The following NTRK2 variants were observed in gnomAD, a reference collection of about 807,000 sequenced individuals.
The protein encoded by NTRK2 is neurotrophic receptor tyrosine kinase 2.
Under a neutral mutation model 94.5 loss-of-function variants are expected in NTRK2, and 13 were observed. That is an observed-to-expected ratio of 0.14 (90% confidence interval 0.09 to 0.22). The LOEUF is 0.22. Ranked by LOEUF, NTRK2 falls within the 10% of genes least tolerant of loss-of-function variation. The pLI, the probability that NTRK2 is intolerant of heterozygous loss-of-function variation, is 1.00. For synonymous variants in NTRK2, 372 were observed against 407.4 expected (o/e 0.91, Z 1.05); for missense variants, 639 against 1,071.2 (o/e 0.60, Z 5.63).
intron 15 of NTRK2, among the ~76,000 whole-genome samples, chr9:84,939,051 CAAAAA>C (rs138558531): frequency 1.0e-4 from 7 of 68,438 alleles, no homozygotes; most frequent in East Asian, 4.6e-4. Context: ...GACCCCAACT[CAAAAA>C]AAAAAAAAAA....
At chr9:84,917,743 G>T (rs909567507) in intron 14 of NTRK2, among the ~76,000 whole-genome samples, 2 of 152,104 alleles carry the variant, frequency 1.3e-5, no homozygotes, top group African/African-American at 4.8e-5. Context: ...AAAAAGAAAG[G>T]GTTTTTCCTA....
At chr9:85,006,268 C>T (rs1830942451) in intron 17 of NTRK2, among the ~76,000 whole-genome samples, 1 of 152,206 alleles carries the variant, frequency 6.6e-6, no homozygotes, top group Non-Finnish European at 1.5e-5. Context: ...TGAGTTACTG[C>T]ACAGTACTCT....
At chr9:84,847,103 C>T in intron 12 of NTRK2, among the ~76,000 whole-genome samples, 1 of 152,200 alleles carries the variant, frequency 6.6e-6, no homozygotes, top group East Asian at 1.9e-4. Context: ...ATAGGCTGTC[C>T]TCCCATCTCC....
At chr9:84,987,130 G>A (rs191483820) in intron 17 of NTRK2, among the ~76,000 whole-genome samples, 81 of 152,288 alleles carry the variant, frequency 5.3e-4, no homozygotes, top group African/African-American at 1.9e-3. Flanking sequence ...ACATGTCAGG[G>A]TGAAAAGAAT....
chr9:84,818,814 G>A (rs1252424635), intron 12 of NTRK2, among the ~76,000 whole-genome samples: 3 of 152,162 alleles, frequency 2.0e-5, no homozygotes, highest in Non-Finnish European at 2.9e-5. Context: ...TGGAGGACAC[G>A]TCCTGCCATC....
intron 2 of NTRK2, among the ~76,000 whole-genome samples, chr9:84,674,557 T>G (rs1051989163): frequency 4.6e-5 from 7 of 152,178 alleles, no homozygotes; most frequent in Non-Finnish European, 1.0e-4. Flanking sequence ...AGCCCCTCCA[T>G]TGGGGGTTTT....
At chr9:84,868,356 G>A (rs1332362051) in intron 14 of NTRK2, among the ~76,000 whole-genome samples, 1 of 152,154 alleles carries the variant, frequency 6.6e-6, no homozygotes, top group Non-Finnish European at 1.5e-5. Context: ...CTGCCTCTCT[G>A]TTGAGAGCTT....
chr9:84,870,111 AT>A (rs2075775735), intron 14 of NTRK2, among the ~76,000 whole-genome samples: 1 of 132,448 alleles, frequency 7.6e-6, no homozygotes, highest in Non-Finnish European at 1.6e-5. Context: ...ATATATATAT[AT>A]ATATATATAT....
intron 12 of NTRK2, chr9:84,815,589 G>A (rs2072320169): frequency 9.9e-7 from 1 of 1,007,464 alleles, no homozygotes; most frequent in Non-Finnish European, 1.2e-6. Context: ...GTAAATAATG[G>A]ATAATCATTT....
At chr9:85,004,033 G>GA (rs1830634034) in intron 17 of NTRK2, among the ~76,000 whole-genome samples, 1 of 77,756 alleles carries the variant, frequency 1.3e-5, no homozygotes, top group Non-Finnish European at 2.6e-5. Context: ...AAGAAAGAAA[G>GA]AGAGAAAGAA....
intron 12 of NTRK2, among the ~76,000 whole-genome samples, chr9:84,789,935 C>A (rs888185603): frequency 6.6e-6 from 1 of 152,286 alleles, no homozygotes; most frequent in Middle Eastern, 3.4e-3. Context: ...TCCTCCTGGG[C>A]AATACATTTG....
intron 14 of NTRK2, among the ~76,000 whole-genome samples, chr9:84,894,023 C>T (rs1252910332): frequency 6.6e-6 from 1 of 151,976 alleles, no homozygotes; most frequent in African/African-American, 2.4e-5. Context: ...CTGTTCAATC[C>T]GGGGGGCGCG....
chr9:84,945,761 A>G (rs549861403), intron 15 of NTRK2, among the ~76,000 whole-genome samples: 22 of 152,320 alleles, frequency 1.4e-4, no homozygotes, highest in Admixed American at 3.9e-4. Flanking sequence ...TGCGGTTTCT[A>G]TGGCAACAGC....
chr9:84,994,210 A>G (rs1829448702), intron 17 of NTRK2, among the ~76,000 whole-genome samples: 1 of 152,140 alleles, frequency 6.6e-6, no homozygotes, highest in Non-Finnish European at 1.5e-5. Context: ...TACCACATTT[A>G]TTACATGTGT....
At chr9:84,817,068 A>T (rs1242150724) in intron 12 of NTRK2, among the ~76,000 whole-genome samples, 1 of 152,174 alleles carries the variant, frequency 6.6e-6, no homozygotes, top group African/African-American at 2.4e-5. Context: ...TACAATATTT[A>T]CCTCACTGGG....
At chr9:84,781,302 C>T (rs766665254) in intron 12 of NTRK2, among the ~76,000 whole-genome samples, 4 of 152,164 alleles carry the variant, frequency 2.6e-5, no homozygotes, top group Admixed American at 6.5e-5. Flanking sequence ...TACAACTGAA[C>T]ACCACCTCTA....
intron 17 of NTRK2, among the ~76,000 whole-genome samples, chr9:85,009,819 T>G (rs1306017042): frequency 6.6e-6 from 1 of 152,186 alleles, no homozygotes; most frequent in African/African-American, 2.4e-5. Flanking sequence ...CAGGTTAGCA[T>G]TTAGAATTCT....
At chr9:84,842,849 T>C (rs1233482220) in intron 12 of NTRK2, among the ~76,000 whole-genome samples, 3 of 152,232 alleles carry the variant, frequency 2.0e-5, no homozygotes, top group Non-Finnish European at 2.9e-5. Flanking sequence ...GACCTTAGAC[T>C]GGGGGAACCC....
chr9:84,848,069 T>C, intron 12 of NTRK2, among the ~76,000 whole-genome samples: 1 of 120,756 alleles, frequency 8.3e-6, no homozygotes, highest in East Asian at 2.3e-4. Context: ...GTGGCTCCAG[T>C]AGAGAGGGGC....
Sources: gnomAD v4.1 joint callset for allele counts (sites outside exome capture counted in the v4.1 genomes callset) on GRCh38, gnomAD v4.1.1 for gene constraint, MANE v1.5 for transcripts, NCBI Gene and HGNC (gene_info 2026-07-23, HGNC 2026-07-21) for gene names.